WDR72: variants seen among roughly 807,000 people sequenced by gnomAD.
WDR72 encodes the protein WD repeat domain 72.
A neutral mutation model predicts 124.2 loss-of-function variants in WDR72; 120 were observed. The ratio of observed to expected loss-of-function variants is 0.97; its 90% CI spans 0.83 to 1.12. WDR72 has a LOEUF of 1.12. WDR72 is among the 50% of genes most tolerant of loss of function. WDR72 has a pLI of 0.00. For missense variants in WDR72, 1,387 were observed against 1,278.8 expected (o/e 1.08, Z -1.29); for synonymous variants, 452 against 441.7 (o/e 1.02, Z -0.29).
At position 53,653,200 on chromosome 15, in the gene WDR72, G is replaced by A. The variant is rs539783971; in HGVS notation, c.1962+12372C>T. 2.0e-5 allele frequency among the ~76,000 whole-genome samples: 3 copies of A among 152,182 alleles called. No individual in the cohort carries two copies. The South Asian group carries it at 6.2e-4, about 32-fold the overall frequency. On this transcript the variant is annotated intron_variant, in intron 14 of 19. Transcript: ENST00000360509. ...ATTCTTCATGTTTTAGACTTCAGTA[G>A]TTTTCAGTTCATGAGTTTATTCCAC... is the stretch of plus-strand genomic sequence containing the variant.
intron 14 of WDR72, among the ~76,000 whole-genome samples, chr15:53,662,982 C>G (rs2140446757): frequency 6.6e-6 from 1 of 151,790 alleles, no homozygotes; most frequent in Non-Finnish European, 1.5e-5. Flanking sequence ...GCTGAGAGAA[C>G]TGCTTGGGCC....
intron 18 of WDR72, among the ~76,000 whole-genome samples, chr15:53,531,372 G>A (rs1338054744): frequency 6.6e-5 from 10 of 152,048 alleles, no homozygotes; most frequent in Admixed American, 5.9e-4. Context: ...GAAAGCATAG[G>A]TGGTCTGTTG....
chr15:53,609,228 C>G (rs533256394), intron 17 of WDR72, among the ~76,000 whole-genome samples: 61 of 152,124 alleles, frequency 4.0e-4, no homozygotes, highest in African/African-American at 1.3e-3. Flanking sequence ...ATTTTGAAAT[C>G]AAATAATGGA....
rs573562693 is a variant in WDR72 at position 53,683,119 on chromosome 15, A to G, written c.1765+16631T>C. Reference sequence around the variant, plus strand: ...CTATCATGAGAACAGTATGGAGGAAATTGCCCCCATGATCCAATCACCTTC... The same window carrying G: ...CTATCATGAGAACAGTATGGAGGAAGTTGCCCCCATGATCCAATCACCTTC... On this transcript the variant is annotated intron_variant, in intron 13 of 19. Transcript: ENST00000360509. 2.6e-3 allele frequency among the ~76,000 whole-genome samples: 398 copies of G among 152,222 alleles called. 3 individuals are homozygous for G. The highest frequency in any genetic ancestry group is 9.4e-3 in the African/African-American group (389 of 41,552).
chr15:53,742,362 C>A (rs530059467), intron 1 of WDR72, among the ~76,000 whole-genome samples: 11 of 152,224 alleles, frequency 7.2e-5, no homozygotes, highest in African/African-American at 2.4e-4. Flanking sequence ...ATGTTCCTGA[C>A]AGAAGTACAC....
intron 14 of WDR72, among the ~76,000 whole-genome samples, chr15:53,619,595 T>C (rs774302019): frequency 6.6e-6 from 1 of 152,056 alleles, no homozygotes; most frequent in Non-Finnish European, 1.5e-5. Context: ...GTTGGCTTTC[T>C]CACTGAATAC....
chr15:53,742,808 T>C (rs1258359023), intron 1 of WDR72, among the ~76,000 whole-genome samples: 3 of 152,140 alleles, frequency 2.0e-5, no homozygotes, highest in African/African-American at 2.4e-5. Context: ...TAAATACAAA[T>C]AGTAAATAAA....
intron 14 of WDR72, among the ~76,000 whole-genome samples, chr15:53,657,458 C>T (rs1162969756): frequency 6.6e-6 from 1 of 151,876 alleles, no homozygotes; most frequent in African/African-American, 2.4e-5. Context: ...ATTATGCTAA[C>T]ACAGTCCCTA....
At chr15:53,630,959 A>G (rs1411912553) in intron 14 of WDR72, among the ~76,000 whole-genome samples, 1 of 152,226 alleles carries the variant, frequency 6.6e-6, no homozygotes, top group East Asian at 1.9e-4. Context: ...TATAGAAAAC[A>G]CTAAGGTATC....
chr15:53,720,264 CAT>C (rs2017839641), intron 3 of WDR72, among the ~76,000 whole-genome samples: 1 of 152,158 alleles, frequency 6.6e-6, no homozygotes, highest in Non-Finnish European at 1.5e-5. Context: ...AGTCAATCAA[CAT>C]CTTTACCCAC....
chr15:53,552,947 G>A (rs1427111648), intron 18 of WDR72, among the ~76,000 whole-genome samples: 1 of 152,060 alleles, frequency 6.6e-6, no homozygotes, highest in Non-Finnish European at 1.5e-5. Context: ...GAATCCCAAA[G>A]GTGGGTTGAA....
chr15:53,712,948 T>C, intron 6 of WDR72, 57 bp from the exon 7 acceptor site: 3 of 1,589,524 alleles, frequency 1.9e-6, no homozygotes, highest in Non-Finnish European at 2.6e-6. Context: ...TACACAGCCA[T>C]GAGAAGACCT....
intron 3 of WDR72, among the ~76,000 whole-genome samples, chr15:53,722,074 C>T (rs1037994616): frequency 1.3e-5 from 2 of 151,742 alleles, no homozygotes; most frequent in African/African-American, 2.4e-5. Context: ...GAGACTGTCG[C>T]CCAGGCTGGA....
At chr15:53,697,526 T>A (rs2017040128) in intron 13 of WDR72, among the ~76,000 whole-genome samples, 1 of 152,178 alleles carries the variant, frequency 6.6e-6, no homozygotes, top group Admixed American at 6.5e-5. Context: ...TTTCTCCTCT[T>A]TTTGCTTCAG....
At chr15:53,740,761 A>G (rs1380693142) in intron 1 of WDR72, among the ~76,000 whole-genome samples, 1 of 152,192 alleles carries the variant, frequency 6.6e-6, no homozygotes, top group Non-Finnish European at 1.5e-5. Flanking sequence ...CTGTATACCA[A>G]AAGAGAGGGA....
chr15:53,547,351 C>G (rs1036152770), intron 18 of WDR72, among the ~76,000 whole-genome samples: 1 of 152,156 alleles, frequency 6.6e-6, no homozygotes, highest in Non-Finnish European at 1.5e-5. Context: ...AGGCTGGTCT[C>G]GAACTCCCAA....
intron 18 of WDR72, among the ~76,000 whole-genome samples, chr15:53,574,815 T>A (rs546246357): frequency 6.6e-6 from 1 of 152,248 alleles, no homozygotes; most frequent in South Asian, 2.1e-4. Context: ...CTATTTATTT[T>A]CTCTGTGCTC....
At chr15:53,530,152 A>G (rs2140230097) in intron 18 of WDR72, among the ~76,000 whole-genome samples, 1 of 151,610 alleles carries the variant, frequency 6.6e-6, no homozygotes, top group South Asian at 2.1e-4. Flanking sequence ...TTACTGAGTA[A>G]ATCTCTTCTT....
intron 18 of WDR72, among the ~76,000 whole-genome samples, chr15:53,549,215 T>G: frequency 6.6e-6 from 1 of 152,218 alleles, no homozygotes; most frequent in East Asian, 1.9e-4. Flanking sequence ...CTAACAGATC[T>G]TATGGTCTGA....
Sources: gnomAD v4.1 joint callset for allele counts (sites outside exome capture counted in the v4.1 genomes callset) on GRCh38, gnomAD v4.1.1 for gene constraint, MANE v1.5 for transcripts, NCBI Gene and HGNC (gene_info 2026-07-23, HGNC 2026-07-21) for gene names.